Variants in TDRD7 observed in about 807,000 individuals in gnomAD.
The protein encoded by TDRD7 is tudor domain containing 7, also known as tudor domain-containing protein 7.
TDRD7 carries 47 observed loss-of-function variants against 109.8 expected under a neutral mutation model. That is an observed-to-expected ratio of 0.43 (90% CI 0.34 to 0.55). The LOEUF is 0.55. TDRD7 is among the 20% of genes least tolerant of loss of function. TDRD7 has a pLI of 0.03. For missense variants in TDRD7, 1,164 were observed against 1,319.2 expected, an observed-to-expected ratio of 0.88 and a Z score of 1.82; for synonymous variants, 424 against 457.3, an observed-to-expected ratio of 0.93 and a Z score of 0.93.
At chr9:97,456,297 C>G (rs1250854283) in intron 6 of TDRD7, among the ~76,000 whole-genome samples, 1 of 152,198 alleles carries the variant, frequency 6.6e-6, no homozygotes, top group Non-Finnish European at 1.5e-5. Flanking sequence ...CTACCATTGA[C>G]ATTCTTCACA....
intron 1 of TDRD7, among the ~76,000 whole-genome samples, chr9:97,424,729 C>T (rs903574916): frequency 4.6e-5 from 7 of 152,020 alleles, no homozygotes; most frequent in Admixed American, 2.0e-4. Context: ...CTTTTTTATC[C>T]ACTCTGCCAA....
At chr9:97,439,211 A>G (rs932162919) in intron 4 of TDRD7, 34 bp from the exon 5 acceptor site, 3 of 1,506,448 alleles carry the variant, frequency 2.0e-6, no homozygotes, top group Admixed American at 1.9e-5. Context: ...TGTTATTTAC[A>G]TTTATTTTAC....
chr9:97,455,878 C>G (rs1310372671), intron 6 of TDRD7, among the ~76,000 whole-genome samples: 1 of 152,154 alleles, frequency 6.6e-6, no homozygotes, highest in Non-Finnish European at 1.5e-5. Context: ...GAGAGGGAGC[C>G]AAGTTGTCTC....
chr9:97,487,924 T>C (rs557723701), intron 16 of TDRD7, among the ~76,000 whole-genome samples: 1 of 152,304 alleles, frequency 6.6e-6, no homozygotes, highest in South Asian at 2.1e-4. Context: ...GGTCATGGAA[T>C]ATATGACCAT....
chr9:97,455,889 T>G (rs1828598345), intron 6 of TDRD7, among the ~76,000 whole-genome samples: 1 of 152,234 alleles, frequency 6.6e-6, no homozygotes, highest in African/African-American at 2.4e-5. Flanking sequence ...AAGTTGTCTC[T>G]GTTTGCAGAT....
intron 7 of TDRD7, among the ~76,000 whole-genome samples, chr9:97,463,387 T>G (rs950188022): frequency 2.6e-4 from 40 of 151,706 alleles, no homozygotes; most frequent in Admixed American, 3.3e-4. Context: ...TTTGTTTTTT[T>G]TTTTTTTTTT....
At chr9:97,438,368 T>C (rs924437555) in intron 4 of TDRD7, among the ~76,000 whole-genome samples, 1 of 152,218 alleles carries the variant, frequency 6.6e-6, no homozygotes, top group African/African-American at 2.4e-5. Flanking sequence ...ATTCAAAAAC[T>C]GGCAGCTATG....
intron 9 of TDRD7, among the ~76,000 whole-genome samples, chr9:97,471,234 G>T (rs1335966717): frequency 6.6e-6 from 1 of 152,172 alleles, no homozygotes; most frequent in Non-Finnish European, 1.5e-5. Context: ...TGACACATTG[G>T]TCATGTCCGT....
chr9:97,429,500 T>C (rs554328142), intron 2 of TDRD7, among the ~76,000 whole-genome samples: 1 of 152,270 alleles, frequency 6.6e-6, no homozygotes, highest in East Asian at 1.9e-4. Flanking sequence ...TAGTGGTTTT[T>C]CTATATGGGG....
intron 6 of TDRD7, among the ~76,000 whole-genome samples, chr9:97,448,378 A>G (rs1828436220): frequency 1.3e-5 from 2 of 152,304 alleles, no homozygotes; most frequent in South Asian, 4.1e-4. Context: ...ATTGTGACAT[A>G]GTGATGCCAT....
At position 97,472,324 on chromosome 9, in the gene TDRD7, A is replaced by G; in HGVS notation, c.1773A>G (p.Leu591=). Residue 591 remains leucine, a synonymous_variant, in exon 10 of 17, where the codon CTA becomes CTG. Coordinates refer to ENST00000355295, the MANE Select transcript of TDRD7 (RefSeq NM_014290.3). ...AAGTCCTAAGCGATGACCCTGATCT[A>G]GTGAAGGTGGTTGAATCTTTAACTT... ...GLEVLSDDPD[L]VKVVESLTCG... The G allele has an allele frequency of 6.2e-7, 1 of 1,613,940 alleles. No homozygotes were observed. Among genetic ancestry groups the G allele is most frequent in the Non-Finnish European group, 8.5e-7 (1 of 1,179,858 alleles).
chr9:97,460,028 G>T, intron 6 of TDRD7, 150 bp from the exon 7 acceptor site: 2 of 692,716 alleles, frequency 2.9e-6, no homozygotes, highest in South Asian at 1.7e-5. Flanking sequence ...TGGAGATAAT[G>T]CATTAAAGTC....
At chr9:97,490,968 T>A (rs1829299614) in intron 16 of TDRD7, among the ~76,000 whole-genome samples, 1 of 144,216 alleles carries the variant, frequency 6.9e-6, no homozygotes, top group African/African-American at 2.6e-5. Context: ...CACACTGGAG[T>A]GCAGTGGCAC....
rs1351613696 is a variant in TDRD7, at chr9:97,479,745, C to G, written c.2302-1083C>G. Among the ~76,000 whole-genome samples the G allele has an allele frequency of 2.6e-5, 4 of 152,100 alleles. 1 individual carries two copies. The South Asian group carries it at 6.2e-4, about 24-fold the overall frequency. On this transcript the variant is annotated intron_variant, in intron 13 of 16. Transcript: ENST00000355295. Reference sequence around the variant, plus strand: ...AAATACTGAGTTTTGGCTCTTGGCTCTTACAGTATTTTAAAAATGTGAACT... The same window carrying G: ...AAATACTGAGTTTTGGCTCTTGGCTGTTACAGTATTTTAAAAATGTGAACT...
At chr9:97,426,631 A>G (rs971571654) in intron 1 of TDRD7, among the ~76,000 whole-genome samples, 2 of 152,210 alleles carry the variant, frequency 1.3e-5, no homozygotes, top group Non-Finnish European at 2.9e-5. Context: ...CAAGGCCAGG[A>G]TTATCAAGAT....
chr9:97,441,851 T>C lies in TDRD7; in HGVS notation c.831T>C (p.Phe277=). ...EDLNQGILQQ[F]EHWPHICTVE... Reference sequence around the variant, plus strand: ...TTAATCAAGGAATTTTACAACAGTTTGAACACTGGCCTCATATTTGCACGG... The same window carrying C: ...TTAATCAAGGAATTTTACAACAGTTCGAACACTGGCCTCATATTTGCACGG... Residue 277 remains phenylalanine, a synonymous_variant, in exon 6 of 17, where the codon TTT becomes TTC. Transcript: ENST00000355295. 1.2e-6 allele frequency: 2 copies of C among 1,613,784 alleles called. No individual in the cohort carries two copies. Among genetic ancestry groups the C allele is most frequent in the Non-Finnish European group, 1.7e-6 (2 of 1,179,774 alleles).
chr9:97,453,886 G>A (rs756595433), intron 6 of TDRD7, among the ~76,000 whole-genome samples: 9 of 152,170 alleles, frequency 5.9e-5, no homozygotes, highest in South Asian at 2.1e-4. Flanking sequence ...ACAAGAGCGC[G>A]CAGATTCATG....
rs753672272 is a variant in TDRD7 at position 97,441,817 on chromosome 9, A to G, written c.797A>G (p.Lys266Arg). ...KLPHFYKELYKEDLNQGILQQ... is the reference protein window; with the variant it reads ...KLPHFYKELYREDLNQGILQQ... ...CCACATTTTTACAAAGAGTTATATAAAGAAGACCTTAATCAAGGAATTTTA... is the reference window on the plus strand; with the variant it reads ...CCACATTTTTACAAAGAGTTATATAGAGAAGACCTTAATCAAGGAATTTTA... The change falls in exon 6 of 17, where the codon AAA (lysine) becomes AGA (arginine). Residue 266 changes from lysine to arginine, a missense_variant. By Grantham distance (26) the Lys-to-Arg change is conservative. This residue lies in a region of TDRD7 where 407 missense variants were observed against 394.0 expected (regional missense o/e 1.03). Transcript: ENST00000355295. The G allele has an allele frequency of 1.2e-6, 2 of 1,613,804 alleles. No individual in the cohort carries two copies. Among genetic ancestry groups the G allele is most frequent in the Non-Finnish European group, 1.7e-6 (2 of 1,179,820 alleles).
intron 15 of TDRD7, among the ~76,000 whole-genome samples, chr9:97,486,678 C>G (rs1289161186): frequency 6.6e-6 from 1 of 152,162 alleles, no homozygotes; most frequent in Non-Finnish European, 1.5e-5. Context: ...TGCTCTGCTC[C>G]AAAACACTAT....
Sources: allele counts gnomAD v4.1 joint callset (sites outside exome capture counted in the v4.1 genomes callset), GRCh38; gene constraint gnomAD v4.1.1; regional missense constraint gnomAD v4.1.1; transcripts MANE v1.5; gene names NCBI Gene and HGNC (gene_info 2026-07-23, HGNC 2026-07-21).